Variants in ALYREF observed in about 807,000 individuals in gnomAD.
ALYREF encodes THO complex subunit 4.
Under a neutral mutation model 25.2 loss-of-function variants are expected in ALYREF, and 1 was observed. That is an observed-to-expected ratio of 0.04 (90% CI 0.01 to 0.19). ALYREF has a LOEUF of 0.19. ALYREF is among the 10% of genes least tolerant of loss of function. The probability of loss-of-function intolerance (pLI) is 1.00; values close to 1 mark genes in which losing one functional copy is unlikely to be tolerated. For synonymous variants in ALYREF, 193 were observed against 153.5 expected, an observed-to-expected ratio of 1.26 and a Z score of -1.90; for missense variants, 328 against 375.6, an observed-to-expected ratio of 0.87 and a Z score of 1.05.
chr17:81,890,824 A>G lies in ALYREF; in HGVS notation c.259-4T>C, dbSNP rs371244081. On this transcript the variant is annotated splice_polypyrimidine_tract_variant and splice_region_variant and intron_variant, in intron 1 of 5. Transcript: ENST00000505490. Reference sequence around the variant, plus strand: ...ACTTGTCGGGAAGTTGTTTTGGCTGAAAAAAAAACCGCAACAAGAGCAGAT... The same window carrying G: ...ACTTGTCGGGAAGTTGTTTTGGCTGGAAAAAAAACCGCAACAAGAGCAGAT... The G allele has an allele frequency of 2.0e-4, 316 of 1,610,308 alleles. 6 individuals are homozygous for G. The South Asian group carries it at 3.1e-3, about 16-fold the overall frequency.
At chr17:81,889,514 C>T (rs1316362679) in intron 2 of ALYREF, among the ~76,000 whole-genome samples, 185 bp from the exon 3 acceptor site, 1 of 152,178 alleles carries the variant, frequency 6.6e-6, no homozygotes, top group Non-Finnish European at 1.5e-5. Context: ...GCACCTGGGT[C>T]TGAGGGCTCC....
intron 1 of ALYREF, 172 bp from the exon 2 acceptor site, chr17:81,890,992 C>T: frequency 1.0e-6 from 1 of 971,568 alleles, no homozygotes; most frequent in Non-Finnish European, 1.5e-6. Flanking sequence ...GCCGCACGGT[C>T]CCACCGCGGC....
Position 81,888,279 on chromosome 17 carries a change from C to A in ALYREF, c.742G>T (p.Glu248Ter). ...GCGTCCAGCTGGGCATCCAGCTCCT[C>A]TGCCGAAAGCTGCTGCTTTGAATTC... ...GRNSKQQLSA[E>*]ELDAQLDAYN... Residue 248 changes from glutamate to a stop codon, truncating the protein, a stop_gained, in exon 5 of 6, where the codon GAG becomes TAG. Coordinates refer to ENST00000505490, the MANE Select transcript of ALYREF (RefSeq NM_005782.4). LOFTEE classifies it high-confidence loss of function. This position sits in a 1 kb window ranked among gnomAD's most constrained non-coding sequence, Gnocchi z 5.8. 6.2e-7 allele frequency: 1 copy of A among 1,609,258 alleles called. No homozygotes were observed.
rs1274930459 is a variant in ALYREF, at chr17:81,891,568, C to T, written c.13G>A (p.Ala5Thr). Residue 5 changes from alanine to threonine, a missense_variant, in exon 1 of 6, where the codon GCG (alanine) becomes ACG (threonine). Coordinates refer to ENST00000505490, the MANE Select transcript of ALYREF (RefSeq NM_005782.4). Reference protein sequence around the residue: MPDSAPAMADKMDMS... With the variant: MPDSTPAMADKMDMS... The stretch of plus-strand genomic sequence containing the variant: ...TCCATTTTGTCGGCCATGGCGGGCG[C>T]GGAATCGGGCATCGGCTCGAGCCCG... The T allele has an allele frequency of 7.0e-6, 10 of 1,437,732 alleles. No homozygotes were observed. The Middle Eastern group carries it at 5.4e-4, about 77-fold the overall frequency. 89.1% of individuals were successfully genotyped at this position (1,437,732 alleles called of 1,614,324 possible).
chr17:81,890,092 G>A (rs796757418), intron 2 of ALYREF: 5 of 152,280 alleles, frequency 3.3e-5, no homozygotes, highest in African/African-American at 1.2e-4. Flanking sequence ...TTCCCAAAAA[G>A]TCATTTCTTA....
At chr17:81,891,228 C>A in intron 1 of ALYREF, 95 bp downstream of exon 1, 1 of 996,880 alleles carries the variant, frequency 1.0e-6, no homozygotes. Context: ...CCAGCCTTAT[C>A]CACCCGCCGG....
intron 2 of ALYREF, 150 bp downstream of exon 2, chr17:81,890,539 G>A (rs1053992582): frequency 6.6e-6 from 8 of 1,216,514 alleles, no homozygotes; most frequent in Non-Finnish European, 7.9e-6. Context: ...ACTGACCCCG[G>A]CTTTACTAGC....
chr17:81,891,461 G>A lies in ALYREF; in HGVS notation c.120C>T (p.Gly40=). 1 of 1,082,274 alleles carries A rather than the reference G, an allele frequency of 9.2e-7. No homozygotes were observed. Among genetic ancestry groups the A allele is most frequent in the East Asian group, 7.6e-5 (1 of 13,192 alleles). 67.0% of individuals were successfully genotyped at this position (1,082,274 alleles called of 1,614,324 possible). The change falls in exon 1 of 6, where the codon GGC becomes GGT. Residue 40 remains glycine (G), a synonymous_variant. Coordinates refer to ENST00000505490, the MANE Select transcript of ALYREF (RefSeq NM_005782.4). ...CCCCACCGCCGCGGCCGCCCTGGGAGCCGGCCCGGCCGCGGCCCCGGCCCC... is the reference window on the plus strand; with the variant it reads ...CCCCACCGCCGCGGCCGCCCTGGGAACCGGCCCGGCCGCGGCCCCGGCCCC... ...RGGGRGRGRA[G]SQGGRGGGAQ...
chr17:81,889,471 A>G (rs1169454420), intron 2 of ALYREF, 142 bp from the exon 3 acceptor site: 1 of 939,938 alleles, frequency 1.1e-6, no homozygotes, highest in Non-Finnish European at 1.6e-6. Flanking sequence ...AAATGAGGGA[A>G]GGGCGGGGCA....
In ALYREF at chr17:81,888,292, C is replaced by T. The variant is rs897902862; in HGVS notation, c.729G>A (p.Gln243=). 9 of 1,608,726 alleles carry T rather than the reference C, an allele frequency of 5.6e-6. No homozygotes were observed. The Admixed American group carries it at 1.5e-4, about 27-fold the overall frequency. The part of the protein sequence containing the change: ...RGRGAGRNSK[Q]QLSAEELDAQ... ...CATCCAGCTCCTCTGCCGAAAGCTG[C>T]TGCTTTGAATTCCTGCCGGCACCTC... is the stretch of plus-strand genomic sequence containing the variant. The change falls in exon 5 of 6, where the codon CAG becomes CAA. Residue 243 remains glutamine, a synonymous_variant. Transcript: ENST00000505490. The surrounding 1 kb of genome is among the most constrained non-coding windows in gnomAD (Gnocchi z 5.8).
Position 81,891,575 on chromosome 17 carries a change from G to C in ALYREF, c.6C>G (p.Pro2=), listed in dbSNP as rs1287840836. The C allele has an allele frequency of 1.7e-5, 24 of 1,434,194 alleles. No homozygotes were observed. Among genetic ancestry groups the C allele is most frequent in the Non-Finnish European group, 1.9e-5 (21 of 1,092,228 alleles). The allele number at this position is 1,434,194 out of a possible 1,614,324, so 88.8% of individuals were successfully genotyped here. A position where few individuals can be genotyped will look rare whatever the true frequency, so the allele number is the denominator to read the frequency against. M[P]DSAPAMADKM... Reference sequence around the variant, plus strand: ...TGTCGGCCATGGCGGGCGCGGAATCGGGCATCGGCTCGAGCCCGCGCGTCA... The same window carrying C: ...TGTCGGCCATGGCGGGCGCGGAATCCGGCATCGGCTCGAGCCCGCGCGTCA... The change falls in exon 1 of 6, where the codon CCC becomes CCG. Residue 2 remains proline (P), a synonymous_variant. Coordinates refer to ENST00000505490, the MANE Select transcript of ALYREF (RefSeq NM_005782.4).
At position 81,890,686 on chromosome 17, in the gene ALYREF, T is replaced by C. The variant is rs1567863351; in HGVS notation, c.390+3A>G. 1.2e-6 allele frequency: 2 copies of C among 1,613,686 alleles called. No homozygotes were observed. The highest frequency in any genetic ancestry group is 1.3e-5 in the African/African-American group (1 of 75,028). ...GGCTCACCGAGAAGCCCTCGTCTCT[T>C]ACCTGAATATCGGCGTCTGAGACTC... On this transcript the variant is annotated splice_donor_region_variant and intron_variant, in intron 2 of 5. Coordinates refer to ENST00000505490, the MANE Select transcript of ALYREF (RefSeq NM_005782.4).
Position 81,891,393 on chromosome 17 carries a change from CG to C in ALYREF, c.187del (p.Arg63GlyfsTer77). The C allele has an allele frequency of 9.2e-7, 1 of 1,092,608 alleles. No homozygotes were observed. Among genetic ancestry groups the C allele is most frequent in the Non-Finnish European group, 1.1e-6 (1 of 900,092 alleles). The allele number at this position is 1,092,608 out of a possible 1,614,324, so 67.7% of individuals were successfully genotyped here. A position where few individuals can be genotyped will look rare whatever the true frequency, so the allele number is the denominator to read the frequency against. Reference sequence around the variant, plus strand: ...GCCGCGGGCGATGGCCGGCCGGTTCCGGATGGGCCCGCCGCCTCGATTCACT... The same window carrying C: ...GCCGCGGGCGATGGCCGGCCGGTTCCGATGGGCCCGCCGCCTCGATTCACT... ...ARVNRGGGPI[R>X]NRPAIARGAA... On this transcript the variant is annotated frameshift_variant, in exon 1 of 6. Coordinates refer to ENST00000505490, the MANE Select transcript of ALYREF (RefSeq NM_005782.4). LOFTEE classifies it high-confidence loss of function.
At chr17:81,890,864 C>T (rs936811253) in intron 1 of ALYREF, 44 bp from the exon 2 acceptor site, 4 of 1,613,284 alleles carry the variant, frequency 2.5e-6, no homozygotes, top group African/African-American at 1.3e-5. Flanking sequence ...GAGTCTCAGT[C>T]CAGGGCTTTC....
In ALYREF at chr17:81,887,958, TAAAAA is replaced by T; in HGVS notation, c.*168_*172del. On this transcript the variant is annotated 3_prime_UTR_variant, in exon 6 of 6. Coordinates refer to ENST00000505490, the MANE Select transcript of ALYREF (RefSeq NM_005782.4). ...GTACAAAACAGGTCTGTTTCAGAAT[TAAAAA>T]AAAAAAAAAAGAAAAAAAAAAAACC... 1 of 470,994 alleles carries T rather than the reference TAAAAA, an allele frequency of 2.1e-6. No homozygotes were observed. Among genetic ancestry groups the T allele is most frequent in the Non-Finnish European group, 3.2e-6 (1 of 314,826 alleles). The allele number at this position is 470,994 out of a possible 1,614,324, so 29.2% of individuals were successfully genotyped here.
At chr17:81,889,453 T>G (rs2039473112) in intron 2 of ALYREF, 124 bp from the exon 3 acceptor site, 3 of 1,150,572 alleles carry the variant, frequency 2.6e-6, no homozygotes, top group Admixed American at 3.9e-5. Flanking sequence ...AGGACAGTGG[T>G]TAACGGGAAA....
At position 81,890,833 on chromosome 17, in the gene ALYREF, C is replaced by A; in HGVS notation, c.259-13G>T. The A allele has an allele frequency of 1.2e-6, 2 of 1,613,720 alleles. No individual in the cohort carries two copies. The highest frequency in any genetic ancestry group is 1.7e-6 in the Non-Finnish European group (2 of 1,179,756). On this transcript the variant is annotated splice_polypyrimidine_tract_variant and intron_variant, in intron 1 of 5. Coordinates refer to ENST00000505490, the MANE Select transcript of ALYREF (RefSeq NM_005782.4). ...GAAGTTGTTTTGGCTGAAAAAAAAA[C>A]CGCAACAAGAGCAGATCTGTGAGTC...
intron 1 of ALYREF, 199 bp from the exon 2 acceptor site, chr17:81,891,019 C>A: frequency 1.2e-6 from 1 of 812,810 alleles, no homozygotes; most frequent in Non-Finnish European, 1.9e-6. Context: ...ACTTCAGTTC[C>A]CTTAGACTAA....
Position 81,888,672 on chromosome 17 carries a change from C to A in ALYREF, c.539-89G>T. The A allele has an allele frequency of 6.5e-7, 1 of 1,534,494 alleles. No homozygotes were observed. The highest frequency in any genetic ancestry group is 8.8e-7 in the Non-Finnish European group (1 of 1,134,524). ...CCACACCCTGGTCTCCATGCAAACA[C>A]TGGAAAGGGCCTCTGTGCGTCTCAA... On this transcript the variant is annotated intron_variant, in intron 3 of 5. Transcript: ENST00000505490. The surrounding 1 kb of genome is among the most constrained non-coding windows in gnomAD (Gnocchi z 5.8).
Sources: allele counts gnomAD v4.1 joint callset (sites outside exome capture counted in the v4.1 genomes callset), GRCh38; gene constraint gnomAD v4.1.1; non-coding constraint Gnocchi (gnomAD v3.1); transcripts MANE v1.5; gene names NCBI Gene and HGNC (gene_info 2026-07-23, HGNC 2026-07-21).